Variants in SKI observed in about 807,000 individuals in gnomAD.
SKI encodes the protein ski oncogene.
In SKI, 23 loss-of-function variants were observed where a neutral mutation model predicts 59.3. The observed-to-expected ratio is 0.39, with a 90% CI of 0.28 to 0.55. The LOEUF is 0.55. SKI is among the 20% of genes least tolerant of loss of function. The pLI is 0.67. For missense variants in SKI, 1,017 were observed against 1,038.9 expected (o/e 0.98, Z 0.29); for synonymous variants, 673 against 488.6 (o/e 1.38, Z -4.98).
intron 1 of SKI, among the ~76,000 whole-genome samples, chr1:2,252,556 G>A (rs1439891750): frequency 6.6e-6 from 1 of 152,186 alleles, no homozygotes; most frequent in East Asian, 1.9e-4. Flanking sequence ...GAAACCTGGC[G>A]GCCCAGCAGT....
intron 5 of SKI, among the ~76,000 whole-genome samples, chr1:2,305,518 C>A (rs1640548300): frequency 6.6e-6 from 1 of 152,194 alleles, no homozygotes; most frequent in Admixed American, 6.5e-5. Flanking sequence ...TTCCCACATA[C>A]ATATTCATGT....
intron 1 of SKI, among the ~76,000 whole-genome samples, chr1:2,258,355 C>T (rs1332976409): frequency 1.3e-5 from 2 of 152,072 alleles, no homozygotes; most frequent in Admixed American, 6.5e-5. Flanking sequence ...CGAATCGCCC[C>T]CTAGGGAGGA....
In SKI at chr1:2,303,659, G is replaced by T. The variant is rs189501210; in HGVS notation, c.1212-181G>T. ...ATGTGTTGGCCTGTGTCTGGCCTTCGCAAGAGACCCAGCAAGCAGAAAACG... is the reference window on the plus strand; with the variant it reads ...ATGTGTTGGCCTGTGTCTGGCCTTCTCAAGAGACCCAGCAAGCAGAAAACG... On this transcript the variant is annotated intron_variant, in intron 3 of 6. Coordinates refer to ENST00000378536, the MANE Select transcript of SKI (RefSeq NM_003036.4). This position sits in a 1 kb window ranked among gnomAD's most constrained non-coding sequence, Gnocchi z 5.6. 5.7e-6 allele frequency: 5 copies of T among 878,052 alleles called. No individual in the cohort carries two copies. Among genetic ancestry groups the T allele is most frequent in the Middle Eastern group, 3.4e-4 (1 of 2,952 alleles). The allele number at this position is 878,052 out of a possible 1,614,324, so 54.4% of individuals were successfully genotyped here. A position where few individuals can be genotyped will look rare whatever the true frequency, so the allele number is the denominator to read the frequency against.
chr1:2,240,654 G>T (rs953693288), intron 1 of SKI: 1 of 985,240 alleles, frequency 1.0e-6, no homozygotes. Flanking sequence ...AAGAAAACTT[G>T]GAATTCTTCG....
intron 1 of SKI, among the ~76,000 whole-genome samples, chr1:2,280,318 G>A (rs972987438): frequency 6.6e-6 from 1 of 151,842 alleles, no homozygotes; most frequent in African/African-American, 2.4e-5. Flanking sequence ...GGAGGTTGCA[G>A]TGAGCTGAGA....
At chr1:2,255,421 C>T (rs1639252234) in intron 1 of SKI, among the ~76,000 whole-genome samples, 1 of 152,228 alleles carries the variant, frequency 6.6e-6, no homozygotes, top group African/African-American at 2.4e-5. Flanking sequence ...AACACTGTGT[C>T]CTGACTTCAT....
intron 1 of SKI, among the ~76,000 whole-genome samples, chr1:2,256,730 C>T (rs1173081895): frequency 1.3e-5 from 2 of 152,236 alleles, no homozygotes; most frequent in African/African-American, 4.8e-5. Context: ...ATGGCGAAGT[C>T]CCCTGCCATC....
intron 1 of SKI, among the ~76,000 whole-genome samples, chr1:2,266,484 G>A (rs183276621): frequency 8.7e-4 from 133 of 152,276 alleles, no homozygotes; most frequent in African/African-American, 3.1e-3. Flanking sequence ...ACCATGGCTG[G>A]GAACTCTCGG....
chr1:2,306,479 G>C (rs1640583928), intron 6 of SKI, 98 bp from the exon 7 acceptor site: 1 of 1,293,148 alleles, frequency 7.7e-7, no homozygotes, highest in Non-Finnish European at 1.1e-6. Context: ...GCACTGGGGA[G>C]GGACAGGGAG....
intron 1 of SKI, among the ~76,000 whole-genome samples, chr1:2,260,464 C>T (rs1313566580): frequency 6.7e-6 from 1 of 149,228 alleles, no homozygotes; most frequent in African/African-American, 2.5e-5. Context: ...CTTTCCTTTT[C>T]TGAACGGTGT....
intron 1 of SKI, among the ~76,000 whole-genome samples, chr1:2,248,968 G>A (rs1447660409): frequency 6.6e-6 from 1 of 152,238 alleles, no homozygotes; most frequent in Non-Finnish European, 1.5e-5. Context: ...CCGCGTCTGG[G>A]CGCTGGCACG....
At chr1:2,306,467 C>A in intron 6 of SKI, 110 bp from the exon 7 acceptor site, 2 of 1,195,766 alleles carry the variant, frequency 1.7e-6, no homozygotes, top group Non-Finnish European at 1.2e-6. Context: ...GGCCGGCACG[C>A]GGCACTGGGG....
In SKI at chr1:2,228,713, CG is replaced by C. The variant is rs892329453; in HGVS notation, c.-47del. 22 of 978,938 alleles carry C rather than the reference CG, an allele frequency of 2.2e-5. No individual in the cohort carries two copies. The highest frequency in any genetic ancestry group is 9.3e-5 in the South Asian group (2 of 21,494). The allele number at this position is 978,938 out of a possible 1,614,324, so 60.6% of individuals were successfully genotyped here. On this transcript the variant is annotated 5_prime_UTR_variant, in exon 1 of 7. Transcript: ENST00000378536. ...GGGCGCGCGGGGCGGCGGCGGGGGCCGGGGGGGCCCGGGCGCGCGGGAGCGG... is the reference window on the plus strand; with the variant it reads ...GGGCGCGCGGGGCGGCGGCGGGGGCCGGGGGGCCCGGGCGCGCGGGAGCGG...
chr1:2,266,674 C>T (rs1044500923), intron 1 of SKI, among the ~76,000 whole-genome samples: 1 of 152,198 alleles, frequency 6.6e-6, no homozygotes, highest in African/African-American at 2.4e-5. Flanking sequence ...ACCTTGGCTG[C>T]AGGCGGGCCC....
At chr1:2,299,806 T>C (rs947350012) in intron 1 of SKI, among the ~76,000 whole-genome samples, 1 of 152,224 alleles carries the variant, frequency 6.6e-6, no homozygotes, top group African/African-American at 2.4e-5. Context: ...GGCTCTTCTC[T>C]GTTCCTGGCA....
At chr1:2,246,850 T>A (rs1639008728) in intron 1 of SKI, among the ~76,000 whole-genome samples, 1 of 116,794 alleles carries the variant, frequency 8.6e-6, no homozygotes, top group Admixed American at 1.0e-4. Flanking sequence ...AAGAGGAACC[T>A]GATGGGGGGG....
Position 2,304,404 on chromosome 1 carries a change from C to A in SKI, c.1586C>A (p.Ala529Glu). 1 of 1,552,582 alleles carries A rather than the reference C, an allele frequency of 6.4e-7. No homozygotes were observed. Among genetic ancestry groups the A allele is most frequent in the South Asian group, 1.2e-5 (1 of 84,232 alleles). ...CTGCCCTCGGCCGTCCCTGATGCTG[C>A]GGCCCCTGCCGACGCCCCCAGTGGG... is the stretch of plus-strand genomic sequence containing the variant. Reference protein sequence around the residue: ...RALPSAVPDAAAPADAPSGLE... With the variant: ...RALPSAVPDAEAPADAPSGLE... The change falls in exon 5 of 7, where the codon GCG (alanine) becomes GAG (glutamate). Residue 529 changes from alanine (A) to glutamate (E), a missense_variant. By Grantham distance (107) the Ala-to-Glu change is moderately radical. Transcript: ENST00000378536.
rs1640682140 is a variant in SKI, at chr1:2,309,242, G to GCTGTGTGGGCTGCTGACTCCT, written c.*2485_*2505dup. 1 of 152,222 alleles carries GCTGTGTGGGCTGCTGACTCCT rather than the reference G, an allele frequency of 6.6e-6. No individual in the cohort carries two copies. Among genetic ancestry groups the GCTGTGTGGGCTGCTGACTCCT allele is most frequent in the African/African-American group, 2.4e-5 (1 of 41,448 alleles). The allele number at this position is 152,222 out of a possible 1,614,324, so 9.4% of individuals were successfully genotyped here. Reference sequence around the variant, plus strand: ...TCAGCAGAAGGGGGAAGAGGTGTCCGCTGTGTGGGCTGCTGACTCCTCTGT... The same window carrying GCTGTGTGGGCTGCTGACTCCT: ...TCAGCAGAAGGGGGAAGAGGTGTCCGCTGTGTGGGCTGCTGACTCCTCTGTGTGGGCTGCTGACTCCTCTGT... On this transcript the variant is annotated 3_prime_UTR_variant, in exon 7 of 7. Transcript: ENST00000378536.
At chr1:2,304,146 G>A in intron 4 of SKI, 44 bp downstream of exon 4, 1 of 1,607,682 alleles carries the variant, frequency 6.2e-7, no homozygotes, top group Non-Finnish European at 8.5e-7. Context: ...GTGGGCTGTG[G>A]GGGTGGCACT....
Sources: allele counts gnomAD v4.1 joint callset (sites outside exome capture counted in the v4.1 genomes callset), GRCh38; gene constraint gnomAD v4.1.1; non-coding constraint Gnocchi (gnomAD v3.1); transcripts MANE v1.5; gene names NCBI Gene and HGNC (gene_info 2026-07-23, HGNC 2026-07-21).